Variants in HABP4 observed in about 807,000 individuals in gnomAD.
The protein encoded by HABP4 is hyaluronan binding protein 4.
A neutral mutation model predicts 44.1 loss-of-function variants in HABP4; 32 were observed. That is an observed-to-expected ratio of 0.73 (90% CI 0.55 to 0.97). The LOEUF (loss-of-function observed/expected upper bound fraction) is 0.97. Ranked by LOEUF, HABP4 falls within the 50% of genes least tolerant of loss-of-function variation. The probability of loss-of-function intolerance (pLI) is 0.00; values close to 1 mark genes in which losing one functional copy is unlikely to be tolerated. For synonymous variants in HABP4, 216 were observed against 218.0 expected (o/e 0.99, Z 0.08); for missense variants, 503 against 561.9 (o/e 0.90, Z 1.06).
intron 6 of HABP4, among the ~76,000 whole-genome samples, chr9:96,485,402 G>A (rs902351864): frequency 5.9e-5 from 9 of 152,154 alleles, no homozygotes; most frequent in African/African-American, 2.2e-4. Flanking sequence ...CACTTCTGAC[G>A]CCTTTCCCAT....
intron 2 of HABP4, 80 bp from the exon 3 acceptor site, chr9:96,465,257 T>C (rs1482307072): frequency 1.2e-6 from 1 of 864,552 alleles, no homozygotes; most frequent in Non-Finnish European, 1.9e-6. Context: ...ACTATAACCA[T>C]GATTTTCTTT....
intron 5 of HABP4, 29 bp downstream of exon 5, chr9:96,471,123 G>A: frequency 8.7e-7 from 1 of 1,152,510 alleles, no homozygotes; most frequent in Non-Finnish European, 1.3e-6. Flanking sequence ...TCCCCATTGT[G>A]GTGTTGGTTC....
At chr9:96,465,933 T>C (rs1832593308) in intron 4 of HABP4, among the ~76,000 whole-genome samples, 155 bp downstream of exon 4, 1 of 152,248 alleles carries the variant, frequency 6.6e-6, no homozygotes, top group African/African-American at 2.4e-5. Context: ...TGAGATAAGT[T>C]TTTAAAACAG....
At chr9:96,464,391 A>G (rs1411441309) in intron 2 of HABP4, among the ~76,000 whole-genome samples, 1 of 152,200 alleles carries the variant, frequency 6.6e-6, no homozygotes, top group Non-Finnish European at 1.5e-5. Context: ...AAAGAAATCT[A>G]AAGTAAGGTT....
At chr9:96,485,676 C>T (rs563755073) in intron 6 of HABP4, among the ~76,000 whole-genome samples, 9 of 152,128 alleles carry the variant, frequency 5.9e-5, no homozygotes, top group East Asian at 3.9e-4. Flanking sequence ...ATCAAGTCCC[C>T]GACTTGTTAC....
intron 5 of HABP4, among the ~76,000 whole-genome samples, chr9:96,476,957 C>G (rs1284982879): frequency 6.6e-6 from 1 of 152,202 alleles, no homozygotes; most frequent in African/African-American, 2.4e-5. Context: ...CTGAAGGAGG[C>G]TGTAACTTGT....
chr9:96,467,000 G>A (rs1832612583), intron 4 of HABP4, among the ~76,000 whole-genome samples: 2 of 146,422 alleles, frequency 1.4e-5, no homozygotes, highest in South Asian at 2.1e-4. Context: ...TCGGCTCACT[G>A]CAACCTCCGC....
chr9:96,469,525 G>A (rs1440147953), intron 4 of HABP4, among the ~76,000 whole-genome samples: 1 of 152,076 alleles, frequency 6.6e-6, no homozygotes, highest in Non-Finnish European at 1.5e-5. Context: ...TCCAACATTG[G>A]TGATTTACCT....
chr9:96,481,282 C>T (rs7022958), intron 5 of HABP4, among the ~76,000 whole-genome samples: 3,691 of 152,104 alleles, frequency 0.024, 155 homozygotes, highest in African/African-American at 0.085. Context: ...TTAGTAGAGA[C>T]GGGGTTTCAC....
intron 1 of HABP4, among the ~76,000 whole-genome samples, chr9:96,455,120 AAG>A (rs1439845960): frequency 6.6e-6 from 1 of 151,938 alleles, no homozygotes; most frequent in African/African-American, 2.4e-5. Flanking sequence ...GTCGAAAAAA[AAG>A]AAAAGTGTCA....
chr9:96,482,159 C>CT (rs1431293379), intron 5 of HABP4, among the ~76,000 whole-genome samples: 10 of 151,924 alleles, frequency 6.6e-5, no homozygotes, highest in Admixed American at 5.9e-4. Context: ...AGGCTGGTCT[C>CT]GAACTCCTGA....
intron 2 of HABP4, among the ~76,000 whole-genome samples, chr9:96,461,974 T>C (rs1442727584): frequency 2.0e-5 from 3 of 151,170 alleles, no homozygotes; most frequent in East Asian, 1.9e-4. Context: ...CTGGCCAACA[T>C]AGTGAATCCC....
At chr9:96,453,055 G>A (rs553946370) in intron 1 of HABP4, among the ~76,000 whole-genome samples, 2 of 147,236 alleles carry the variant, frequency 1.4e-5, no homozygotes, top group Non-Finnish European at 1.5e-5. Flanking sequence ...TTAGTAGCTG[G>A]CATTACAGGC....
At position 96,488,331 on chromosome 9, in the gene HABP4, C is replaced by G. The variant is rs367553060; in HGVS notation, c.1185+57C>G. 8.5e-5 allele frequency: 102 copies of G among 1,200,126 alleles called. No individual in the cohort carries two copies. The highest frequency in any genetic ancestry group is 1.1e-4 in the Non-Finnish European group (97 of 849,654). The allele number at this position is 1,200,126 out of a possible 1,614,324, so 74.3% of individuals were successfully genotyped here. ...AAGTTAATAAGGACAGTGCCCTGGG[C>G]CCAGGATGGTCTAATTTCAGAGGGT... On this transcript the variant is annotated intron_variant, in intron 7 of 7. Transcript: ENST00000375249. This position sits in a 1 kb window ranked among gnomAD's most constrained non-coding sequence, Gnocchi z 4.6.
rs528849163 is a variant in HABP4, at chr9:96,488,755, C to T, written c.1185+481C>T. 3.3e-5 allele frequency among the ~76,000 whole-genome samples: 5 copies of T among 152,316 alleles called. No homozygotes were observed. Among genetic ancestry groups the T allele is most frequent in the African/African-American group, 1.2e-4 (5 of 41,574 alleles). Reference sequence around the variant, plus strand: ...TGATTCTAGCTCTCAACACAGCACGCTCCTTACCCCTGGCCTCTGCCTGCT... The same window carrying T: ...TGATTCTAGCTCTCAACACAGCACGTTCCTTACCCCTGGCCTCTGCCTGCT... On this transcript the variant is annotated intron_variant, in intron 7 of 7. Coordinates refer to ENST00000375249, the MANE Select transcript of HABP4 (RefSeq NM_014282.4). This position sits in a 1 kb window ranked among gnomAD's most constrained non-coding sequence, Gnocchi z 4.6.
At chr9:96,479,635 C>T (rs189660357) in intron 5 of HABP4, among the ~76,000 whole-genome samples, 302 of 152,004 alleles carry the variant, frequency 2.0e-3, no homozygotes, top group African/African-American at 6.8e-3. Flanking sequence ...CTCAGCCTCC[C>T]GAGTAGCTGG....
chr9:96,453,795 T>C (rs1832327862), intron 1 of HABP4, among the ~76,000 whole-genome samples: 1 of 152,232 alleles, frequency 6.6e-6, no homozygotes, highest in South Asian at 2.1e-4. Flanking sequence ...AATGCAGTGC[T>C]TGCATTCTCC....
chr9:96,456,148 C>T (rs1832371555), intron 1 of HABP4, among the ~76,000 whole-genome samples: 1 of 152,076 alleles, frequency 6.6e-6, no homozygotes, highest in South Asian at 2.1e-4. Context: ...CAGATTATGA[C>T]CTCACTACAG....
Position 96,458,374 on chromosome 9 carries a change from G to A in HABP4, c.350-5G>A, listed in dbSNP as rs1832437022. ...CAGCTCTCTGCTTTGATTTTCTGTT[G>A]GTAGGCCAGAAGCGGACTCCTAGAA... is the stretch of plus-strand genomic sequence containing the variant. On this transcript the variant is annotated splice_polypyrimidine_tract_variant and splice_region_variant and intron_variant, in intron 1 of 7. Coordinates refer to ENST00000375249, the MANE Select transcript of HABP4 (RefSeq NM_014282.4). The A allele has an allele frequency of 6.2e-7, 1 of 1,613,508 alleles. No individual in the cohort carries two copies. Among genetic ancestry groups the A allele is most frequent in the Non-Finnish European group, 8.5e-7 (1 of 1,179,612 alleles).
Sources: gnomAD v4.1 joint callset for allele counts (sites outside exome capture counted in the v4.1 genomes callset) on GRCh38, gnomAD v4.1.1 for gene constraint, Gnocchi (gnomAD v3.1) non-coding constraint, MANE v1.5 for transcripts, NCBI Gene and HGNC (gene_info 2026-07-23, HGNC 2026-07-21) for gene names.